DTNB: variants seen among roughly 807,000 people sequenced by gnomAD.
The protein encoded by DTNB is dystrobrevin beta.
A neutral mutation model predicts 90.7 loss-of-function variants in DTNB; 63 were observed. The observed-to-expected ratio is 0.69, with a 90% CI of 0.57 to 0.86. The LOEUF (loss-of-function observed/expected upper bound fraction) is 0.86. DTNB is among the 40% of genes least tolerant of loss of function. The probability of loss-of-function intolerance (pLI) is 0.00; values close to 1 mark genes in which losing one functional copy is unlikely to be tolerated. For synonymous variants in DTNB, 277 were observed against 286.7 expected, an observed-to-expected ratio of 0.97 and a Z score of 0.34; for missense variants, 744 against 807.1, an observed-to-expected ratio of 0.92 and a Z score of 0.95.
intron 6 of DTNB, among the ~76,000 whole-genome samples, chr2:25,591,018 G>C (rs2148346398): frequency 6.6e-6 from 1 of 152,362 alleles, no homozygotes; most frequent in African/African-American, 2.4e-5. Context: ...GAGGTGGCAG[G>C]GGGCTGGCAT....
chr2:25,559,870 G>A (rs1236519705), intron 8 of DTNB, among the ~76,000 whole-genome samples: 1 of 152,236 alleles, frequency 6.6e-6, no homozygotes, highest in East Asian at 1.9e-4. Flanking sequence ...GGCAGAGACT[G>A]AAGTGACACA....
intron 9 of DTNB, among the ~76,000 whole-genome samples, chr2:25,496,807 C>T (rs1370411956): frequency 6.7e-6 from 1 of 149,596 alleles, no homozygotes; most frequent in Admixed American, 6.7e-5. Context: ...TGCACCACTG[C>T]ACTCCAGCCT....
chr2:25,606,721 G>A (rs1011181546), intron 5 of DTNB, among the ~76,000 whole-genome samples: 7 of 151,612 alleles, frequency 4.6e-5, no homozygotes, highest in African/African-American at 1.2e-4. Flanking sequence ...AATGACTAAT[G>A]GTTAAAAAAA....
At chr2:25,539,975 C>A (rs1344783196) in intron 8 of DTNB, among the ~76,000 whole-genome samples, 1 of 152,106 alleles carries the variant, frequency 6.6e-6, no homozygotes, top group Non-Finnish European at 1.5e-5. Context: ...AATAAATGGA[C>A]TATTATTACA....
intron 1 of DTNB, among the ~76,000 whole-genome samples, chr2:25,663,748 C>T (rs1428016301): frequency 6.6e-6 from 1 of 152,100 alleles, no homozygotes; most frequent in East Asian, 1.9e-4. Flanking sequence ...GGTACAATAG[C>T]CATCATTTCA....
chr2:25,378,055 G>C (rs2149476934), intron 20 of DTNB, among the ~76,000 whole-genome samples: 1 of 152,352 alleles, frequency 6.6e-6, no homozygotes, highest in African/African-American at 2.4e-5. Flanking sequence ...TGGAGCTTCT[G>C]GTGTGGGGCA....
At chr2:25,496,833 ACT>A (rs2068988495) in intron 9 of DTNB, among the ~76,000 whole-genome samples, 1 of 139,934 alleles carries the variant, frequency 7.1e-6, no homozygotes, top group Admixed American at 7.4e-5. Context: ...ACAGAGTGAG[ACT>A]CTGTTTCAAA....
intron 8 of DTNB, among the ~76,000 whole-genome samples, chr2:25,540,230 T>C (rs1026603258): frequency 2.0e-5 from 3 of 152,210 alleles, no homozygotes; most frequent in African/African-American, 7.2e-5. Context: ...TATAGATAAT[T>C]CTGGAGAGAA....
intron 4 of DTNB, among the ~76,000 whole-genome samples, chr2:25,613,559 A>T (rs537162810): frequency 1.0e-3 from 153 of 152,246 alleles, no homozygotes; most frequent in African/African-American, 3.6e-3. Flanking sequence ...CATTATTCTG[A>T]CACTAAAAAC....
At chr2:25,425,099 T>C (rs1007080502) in intron 15 of DTNB, among the ~76,000 whole-genome samples, 5 of 152,226 alleles carry the variant, frequency 3.3e-5, no homozygotes, top group Admixed American at 6.5e-5. Flanking sequence ...GGGGCTAGGT[T>C]GCTTAGCTGG....
At chr2:25,520,790 C>T (rs986999557) in intron 9 of DTNB, among the ~76,000 whole-genome samples, 1 of 152,124 alleles carries the variant, frequency 6.6e-6, no homozygotes, top group Non-Finnish European at 1.5e-5. Flanking sequence ...GTAATGTATA[C>T]ACAGAGTCTA....
intron 1 of DTNB, among the ~76,000 whole-genome samples, chr2:25,655,030 G>A (rs1439927109): frequency 6.6e-6 from 1 of 152,202 alleles, no homozygotes; most frequent in Admixed American, 6.5e-5. Flanking sequence ...GACTGAACAG[G>A]TGCAGCAGAC....
At chr2:25,645,545 T>G (rs913262235) in intron 2 of DTNB, among the ~76,000 whole-genome samples, 2 of 151,932 alleles carry the variant, frequency 1.3e-5, no homozygotes. Context: ...GCTCAAGCAA[T>G]CCTTCCACCT....
At chr2:25,523,229 T>C (rs1259637286) in intron 9 of DTNB, among the ~76,000 whole-genome samples, 1 of 146,928 alleles carries the variant, frequency 6.8e-6, no homozygotes, top group Non-Finnish European at 1.5e-5. Flanking sequence ...TCAAACCTAT[T>C]TGCAAATGCA....
chr2:25,393,084 C>A (rs1038031942), intron 16 of DTNB, among the ~76,000 whole-genome samples: 1 of 152,244 alleles, frequency 6.6e-6, no homozygotes. Context: ...GTTTAACATA[C>A]GTAAGTCAAT....
intron 9 of DTNB, among the ~76,000 whole-genome samples, chr2:25,495,565 C>A (rs2068652500): frequency 6.6e-6 from 1 of 152,040 alleles, no homozygotes; most frequent in African/African-American, 2.4e-5. Flanking sequence ...ATTAAGGAGC[C>A]CAGGTTCTAA....
intron 8 of DTNB, among the ~76,000 whole-genome samples, chr2:25,562,741 C>A (rs2058446535): frequency 6.6e-6 from 1 of 152,098 alleles, no homozygotes; most frequent in African/African-American, 2.4e-5. Flanking sequence ...AACACCCATT[C>A]AGATCCTTTC....
rs535356371 is a variant in DTNB at position 25,388,089 on chromosome 2, T to C, written c.1735+113A>G. ...CTTATTTACACTGTCTGTCAAAATC[T>C]GATCATTCCAAGCAAAGAGCACAAA... is the stretch of plus-strand genomic sequence containing the variant. On this transcript the variant is annotated intron_variant, in intron 17 of 20. Coordinates refer to ENST00000406818, the MANE Select transcript of DTNB (RefSeq NM_021907.5). 19 of 1,484,544 alleles carry C rather than the reference T, an allele frequency of 1.3e-5. No individual in the cohort carries two copies. In the African/African-American group the frequency reaches 1.9e-4, roughly 15 times the overall value. 92.0% of individuals were successfully genotyped at this position (1,484,544 alleles called of 1,614,324 possible).
At chr2:25,464,285 G>T (rs1012026204) in intron 10 of DTNB, among the ~76,000 whole-genome samples, 1 of 152,078 alleles carries the variant, frequency 6.6e-6, no homozygotes, top group African/African-American at 2.4e-5. Context: ...CTAGGGCTGG[G>T]GCAGGGAATA....
Sources: allele counts gnomAD v4.1 joint callset (sites outside exome capture counted in the v4.1 genomes callset), GRCh38; gene constraint gnomAD v4.1.1; transcripts MANE v1.5; gene names NCBI Gene and HGNC (gene_info 2026-07-23, HGNC 2026-07-21).